GBA1: variants seen among roughly 807,000 people sequenced by gnomAD.
The protein encoded by GBA1 is glucosylceramidase beta 1.
At chr1:155,241,118 C>G in the GBA1 span, 1 of 1,614,014 alleles carries the variant, frequency 6.2e-7, no homozygotes, top group Non-Finnish European at 8.5e-7. Context: ...TCCATCCCCT[C>G]AGGGTCATTA....
chr1:155,243,680 GTCTCAAAC>G, the GBA1 span, among the ~76,000 whole-genome samples: 1 of 152,120 alleles, frequency 6.6e-6, no homozygotes, highest in Admixed American at 6.5e-5. Flanking sequence ...GCGCAGGTTG[GTCTCAAAC>G]TCCTAAACTC....
the GBA1 span, chr1:155,237,369 CG>C: frequency 6.2e-7 from 1 of 1,613,972 alleles, no homozygotes; most frequent in Non-Finnish European, 8.5e-7. Flanking sequence ...CAGCAGCAAG[CG>C]TTGGTCATCC....
At chr1:155,237,031 ATT>A in the GBA1 span, among the ~76,000 whole-genome samples, 7 of 148,210 alleles carry the variant, frequency 4.7e-5, no homozygotes, top group Admixed American at 1.3e-4. Context: ...TGCCCAGATA[ATT>A]TTTTTTTTTT....
chr1:155,238,009 G>T, the GBA1 span: 1 of 1,044,802 alleles, frequency 9.6e-7, no homozygotes, highest in Non-Finnish European at 1.5e-6. Flanking sequence ...GAAAGGCCCA[G>T]AAGGTAGAAA....
the GBA1 span, chr1:155,237,690 C>A: frequency 6.4e-6 from 10 of 1,558,076 alleles, no homozygotes; most frequent in Non-Finnish European, 8.7e-6. Context: ...GCAGGTGGAT[C>A]ACTTGAGTTC....
the GBA1 span, chr1:155,240,329 T>C: frequency 1.7e-6 from 1 of 603,202 alleles, no homozygotes; most frequent in Admixed American, 2.9e-5. Context: ...CTGGGCGTAG[T>C]GGTGGCCGCC....
chr1:155,236,221 G>A, the GBA1 span: 3 of 1,595,294 alleles, frequency 1.9e-6, no homozygotes, highest in Admixed American at 1.7e-5. Context: ...CTGCTTTGCA[G>A]GAAGGGAGAC....
At chr1:155,237,302 T>G in the GBA1 span, 2 of 1,613,712 alleles carry the variant, frequency 1.2e-6, no homozygotes, top group Non-Finnish European at 1.7e-6. Flanking sequence ...GATGCTGGAT[T>G]TGAAGGTCAC....
chr1:155,241,256 C>G, the GBA1 span: 1 of 758,792 alleles, frequency 1.3e-6, no homozygotes. Context: ...TTCCGGCTTC[C>G]CGATGTGGAT....
At chr1:155,235,890 G>C in the GBA1 span, 2 of 1,612,888 alleles carry the variant, frequency 1.2e-6, no homozygotes, top group Admixed American at 3.3e-5. Flanking sequence ...AACACTGGGG[G>C]TCCCCAGAGA....
At chr1:155,241,389 G>A in the GBA1 span, 6 of 539,902 alleles carry the variant, frequency 1.1e-5, no homozygotes, top group African/African-American at 1.1e-4. Flanking sequence ...AAACTCTGGA[G>A]GGCATGTATG....
the GBA1 span, among the ~76,000 whole-genome samples, chr1:155,241,869 G>A: frequency 2.0e-5 from 3 of 152,194 alleles, no homozygotes; most frequent in East Asian, 1.9e-4. Context: ...CCTCTGCAGC[G>A]TCCCTTGTTT....
chr1:155,242,155 G>T, the GBA1 span, among the ~76,000 whole-genome samples: 2 of 152,240 alleles, frequency 1.3e-5, no homozygotes, highest in Non-Finnish European at 2.9e-5. Context: ...ACTGCAGTCA[G>T]TGAGGTAAGT....
At chr1:155,237,593 G>A in the GBA1 span, 17 of 1,612,998 alleles carry the variant, frequency 1.1e-5, no homozygotes, top group Non-Finnish European at 1.4e-5. Flanking sequence ...CAAGAGAAAG[G>A]TCATGAATGA....
the GBA1 span, chr1:155,237,890 A>T: frequency 1.4e-3 from 876 of 636,056 alleles, 15 homozygotes; most frequent in South Asian, 0.017. Context: ...TGACAGAGAG[A>T]GAGACTCCTT....
At chr1:155,243,651 G>T in the GBA1 span, among the ~76,000 whole-genome samples, 3 of 152,166 alleles carry the variant, frequency 2.0e-5, no homozygotes, top group African/African-American at 7.2e-5. Flanking sequence ...TTTTTGTAGA[G>T]ACGGGGTCTT....
the GBA1 span, chr1:155,237,903 C>CAA: frequency 1.1e-3 from 596 of 527,496 alleles, no homozygotes; most frequent in South Asian, 1.8e-3. Context: ...GACTCCTTCT[C>CAA]AAAAAAAAAA....
chr1:155,239,798 C>G, the GBA1 span: 7 of 1,614,040 alleles, frequency 4.3e-6, no homozygotes, highest in Admixed American at 1.2e-4. Context: ...GTATCAGTAC[C>G]CAGCGGGAAA....
chr1:155,237,553 T>C, the GBA1 span: 1 of 1,613,796 alleles, frequency 6.2e-7, no homozygotes, highest in Non-Finnish European at 8.5e-7. Context: ...AACTGTAACT[T>C]GTGCTCAGCA....
Sources: gnomAD v4.1 joint callset for allele counts (sites outside exome capture counted in the v4.1 genomes callset) on GRCh38, gnomAD v4.1.1 for gene constraint, MANE v1.5 for transcripts, NCBI Gene and HGNC (gene_info 2026-07-23, HGNC 2026-07-21) for gene names.